The following LCP2 variants were observed in gnomAD, a reference collection of about 807,000 sequenced individuals.
LCP2 encodes 76 kDa tyrosine phosphoprotein.
Under a neutral mutation model 74.5 loss-of-function variants are expected in LCP2, and 29 were observed. The ratio of observed to expected loss-of-function variants is 0.39; its 90% CI spans 0.29 to 0.53. The LOEUF is 0.53. Among genes scored for constraint, LCP2 ranks in the 20% least tolerant of loss-of-function variants. The probability of loss-of-function intolerance (pLI) is 0.72; values close to 1 mark genes in which losing one functional copy is unlikely to be tolerated. For synonymous variants in LCP2, 228 were observed against 229.5 expected, an observed-to-expected ratio of 0.99 and a Z score of 0.06; for missense variants, 604 against 634.6, an observed-to-expected ratio of 0.95 and a Z score of 0.52.
chr5:170,284,879 T>C (rs1762157770), intron 3 of LCP2, among the ~76,000 whole-genome samples: 1 of 151,982 alleles, frequency 6.6e-6, no homozygotes, highest in Non-Finnish European at 1.5e-5. Context: ...GCCTCTTCAG[T>C]AGCTGGAACT....
intron 3 of LCP2, among the ~76,000 whole-genome samples, chr5:170,276,078 C>T (rs2113190363): frequency 6.6e-6 from 1 of 152,300 alleles, no homozygotes; most frequent in Middle Eastern, 3.4e-3. Context: ...GCCCAGGAAG[C>T]CCTCTCTCCT....
Position 170,272,592 on chromosome 5 carries a change from ATTTTCTTTTTTTTTTTTTT to A in LCP2, c.324+1690_325-1676del, listed in dbSNP as rs1347273648. Among the ~76,000 whole-genome samples, 239 of 34,326 alleles carry A rather than the reference ATTTTCTTTTTTTTTTTTTT, an allele frequency of 7.0e-3. 5 individuals are homozygous for A. The highest frequency in any genetic ancestry group is 0.02 in the African/African-American group (229 of 11,292). 22.5% of individuals were successfully genotyped at this position (34,326 alleles called of 152,430 possible). On this transcript the variant is annotated intron_variant, in intron 6 of 20. Coordinates refer to ENST00000046794, the MANE Select transcript of LCP2 (RefSeq NM_005565.5). The stretch of plus-strand genomic sequence containing the variant: ...CGGTTATAACTGTAACCCATCAAAT[ATTTTCTTTTTTTTTTTTTT>A]TTTTTTTTTTTTTTTTTGAGATGGA...
intron 4 of LCP2, 140 bp downstream of exon 4, chr5:170,275,637 GGAACCCCTTCCCCTCGTT>G (rs1761993472): frequency 8.6e-6 from 6 of 698,260 alleles, no homozygotes; most frequent in Non-Finnish European, 1.5e-5. Flanking sequence ...AGCAGGGGAG[GGAACCCCTTCCCCTCGTT>G]GGACACCATC....
intron 2 of LCP2, among the ~76,000 whole-genome samples, chr5:170,288,687 G>C (rs1354805146): frequency 2.0e-5 from 3 of 152,214 alleles, no homozygotes; most frequent in Non-Finnish European, 4.4e-5. Flanking sequence ...TTTTGAAAGA[G>C]AGAAAGCCGA....
intron 20 of LCP2, among the ~76,000 whole-genome samples, chr5:170,249,099 A>T (rs1421915975): frequency 6.6e-6 from 1 of 152,308 alleles, no homozygotes; most frequent in East Asian, 1.9e-4. Flanking sequence ...AGGCCGGTGG[A>T]TCACCTGAGG....
At chr5:170,292,781 G>A (rs1762312864) in intron 2 of LCP2, among the ~76,000 whole-genome samples, 1 of 152,112 alleles carries the variant, frequency 6.6e-6, no homozygotes, top group South Asian at 2.1e-4. Flanking sequence ...CCCTTTAATG[G>A]CTTAGTCTTT....
chr5:170,295,679 C>T (rs1762365398), intron 1 of LCP2, among the ~76,000 whole-genome samples: 1 of 152,194 alleles, frequency 6.6e-6, no homozygotes, highest in Non-Finnish European at 1.5e-5. Context: ...TCCCAAATGA[C>T]TCTGCGGTCC....
rs758733906 is a variant in LCP2, at chr5:170,270,894, G to A, written c.348C>T (p.Pro116=). ...CATCCTCCCCATCCTGGTCATCATT[G>A]GGACTTTCATAATCGTCTTCTTCCT... is the stretch of plus-strand genomic sequence containing the variant. The part of the protein sequence containing the change: ...SSFEEDDYES[P]NDDQDGEDDG... Residue 116 remains proline (P), a synonymous_variant, in exon 7 of 21, where the codon CCC becomes CCT. Coordinates refer to ENST00000046794, the MANE Select transcript of LCP2 (RefSeq NM_005565.5). The A allele has an allele frequency of 6.2e-7, 1 of 1,612,470 alleles. No individual in the cohort carries two copies. The highest frequency in any genetic ancestry group is 2.2e-5 in the East Asian group (1 of 44,788).
At chr5:170,279,452 G>A (rs2113197137) in intron 3 of LCP2, among the ~76,000 whole-genome samples, 1 of 152,238 alleles carries the variant, frequency 6.6e-6, no homozygotes. Context: ...GCCCTCACTT[G>A]GCCCCAGATT....
At chr5:170,265,550 G>A (rs2338872) in intron 10 of LCP2, among the ~76,000 whole-genome samples, 99,831 of 152,072 alleles carry the variant, frequency 0.66, 33,514 homozygotes, top group East Asian at 0.96. Context: ...GTCTCGGCTC[G>A]TGGTAGTGAG....
At chr5:170,285,680 G>A (rs1385884641) in intron 3 of LCP2, among the ~76,000 whole-genome samples, 1 of 152,192 alleles carries the variant, frequency 6.6e-6, no homozygotes, top group Non-Finnish European at 1.5e-5. Context: ...GTAGAAATAA[G>A]CACCATTTCC....
chr5:170,266,981 G>A (rs1292825351), intron 9 of LCP2, 28 bp downstream of exon 9: 2 of 1,613,506 alleles, frequency 1.2e-6, no homozygotes, highest in African/African-American at 2.7e-5. Context: ...GTGGGAACAG[G>A]GCAAGAGAGA....
intron 3 of LCP2, among the ~76,000 whole-genome samples, chr5:170,276,744 G>C (rs551282740): frequency 6.6e-6 from 1 of 152,092 alleles, no homozygotes; most frequent in Non-Finnish European, 1.5e-5. Context: ...TGAGACCAGC[G>C]AGACCCTTAG....
intron 3 of LCP2, among the ~76,000 whole-genome samples, chr5:170,282,981 G>A (rs926312498): frequency 6.6e-6 from 1 of 152,222 alleles, no homozygotes; most frequent in South Asian, 2.1e-4. Flanking sequence ...GGGTGGTCTA[G>A]GGATGTGTCC....
chr5:170,295,279 A>G (rs1437887405), intron 1 of LCP2, among the ~76,000 whole-genome samples: 1 of 152,240 alleles, frequency 6.6e-6, no homozygotes, highest in Non-Finnish European at 1.5e-5. Flanking sequence ...GTCAGAGACA[A>G]GAAGACGCAA....
chr5:170,294,874 G>C (rs1483022484), intron 1 of LCP2, among the ~76,000 whole-genome samples: 1 of 152,234 alleles, frequency 6.6e-6, no homozygotes, highest in African/African-American at 2.4e-5. Flanking sequence ...TAGATCAGCA[G>C]AGAGTCCTGC....
chr5:170,267,024 G>A lies in LCP2; in HGVS notation c.673C>T (p.His225Tyr), dbSNP rs1055811937. The A allele has an allele frequency of 6.2e-7, 1 of 1,613,956 alleles. No homozygotes were observed. Among genetic ancestry groups the A allele is most frequent in the Middle Eastern group, 1.7e-4 (1 of 6,060 alleles). The change falls in exon 9 of 21, where the codon CAC becomes TAC. Residue 225 changes from histidine to tyrosine, a missense_variant. Coordinates refer to ENST00000046794, the MANE Select transcript of LCP2 (RefSeq NM_005565.5). ...NHEEPSRSRN[H>Y]KTAKLPAPSI... ...TTGTACTCACGCTTTGCCGTTTTGT[G>A]GTTTCTGCTTCTGCTGGGTTCTTCG...
intron 6 of LCP2, among the ~76,000 whole-genome samples, chr5:170,271,333 C>T (rs1017749016): frequency 4.6e-5 from 7 of 152,072 alleles, no homozygotes; most frequent in Non-Finnish European, 7.4e-5. Flanking sequence ...TCAAGGGTGC[C>T]TGTGCTCAAA....
chr5:170,281,403 C>T (rs991838407), intron 3 of LCP2, among the ~76,000 whole-genome samples: 5 of 152,148 alleles, frequency 3.3e-5, no homozygotes, highest in Non-Finnish European at 7.3e-5. Context: ...CCTCAGCCTC[C>T]CGAGTAGCTG....
Sources: allele counts gnomAD v4.1 joint callset (sites outside exome capture counted in the v4.1 genomes callset), GRCh38; gene constraint gnomAD v4.1.1; transcripts MANE v1.5; gene names NCBI Gene and HGNC (gene_info 2026-07-23, HGNC 2026-07-21).